AGBL4: variants seen among roughly 807,000 people sequenced by gnomAD.
AGBL4 encodes AGBL carboxypeptidase 4, also known as cytosolic carboxypeptidase 6.
Under a neutral mutation model 66.4 loss-of-function variants are expected in AGBL4, and 58 were observed. The ratio of observed to expected loss-of-function variants is 0.87; its 90% CI spans 0.71 to 1.09. The LOEUF is 1.09. Ranked by LOEUF, AGBL4 falls within the 50% of genes least tolerant of loss-of-function variation. AGBL4 has a pLI of 0.00. For synonymous variants in AGBL4, 234 were observed against 222.9 expected (o/e 1.05, Z -0.44); for missense variants, 579 against 631.0 (o/e 0.92, Z 0.88).
intron 3 of AGBL4, among the ~76,000 whole-genome samples, chr1:49,641,659 C>CT (rs1483274868): frequency 6.6e-6 from 1 of 151,956 alleles, no homozygotes; most frequent in Non-Finnish European, 1.5e-5. Context: ...AAGAGAGTCT[C>CT]TTTTTTCCTA....
At chr1:49,968,502 C>T (rs1364702843) in intron 1 of AGBL4, among the ~76,000 whole-genome samples, 1 of 152,186 alleles carries the variant, frequency 6.6e-6, no homozygotes, top group Non-Finnish European at 1.5e-5. Context: ...ATTCTAACAA[C>T]GTTTTGGCAG....
intron 5 of AGBL4, among the ~76,000 whole-genome samples, chr1:48,913,710 G>A (rs747098207): frequency 2.0e-5 from 3 of 152,178 alleles, no homozygotes; most frequent in Non-Finnish European, 2.9e-5. Context: ...TTCATTACAT[G>A]TTACAAAGTA....
intron 3 of AGBL4, among the ~76,000 whole-genome samples, chr1:49,288,226 A>T (rs1271548657): frequency 2.9e-4 from 21 of 71,852 alleles, no homozygotes; most frequent in Admixed American, 2.1e-3. Flanking sequence ...GGGTGGGGGG[A>T]GGGGGGAGGG....
intron 1 of AGBL4, among the ~76,000 whole-genome samples, chr1:50,014,302 T>C (rs1205153585): frequency 6.7e-6 from 1 of 149,816 alleles, no homozygotes; most frequent in East Asian, 2.0e-4. Context: ...ACCCAGGAGG[T>C]GGAGGCTGCA....
chr1:48,898,847 G>A (rs924365019), intron 5 of AGBL4, among the ~76,000 whole-genome samples: 2 of 152,186 alleles, frequency 1.3e-5, no homozygotes, highest in African/African-American at 4.8e-5. Context: ...GAGACATCCA[G>A]AGCTGAAGAG....
intron 4 of AGBL4, among the ~76,000 whole-genome samples, chr1:49,056,341 T>C (rs959962039): frequency 4.6e-5 from 7 of 151,582 alleles, no homozygotes; most frequent in African/African-American, 1.5e-4. Context: ...TATAATATAG[T>C]ATAAGGTAAT....
rs190156509 is a variant in AGBL4, at chr1:49,915,848, T to A, written c.35-64330A>T. On this transcript the variant is annotated intron_variant, in intron 1 of 13. Coordinates refer to ENST00000371839, the MANE Select transcript of AGBL4 (RefSeq NM_032785.4). ...GAGACACCCCCTAATAGGGGCAGAC[T>A]GACACCTCACACGGCCAGGTACTCC... is the stretch of plus-strand genomic sequence containing the variant. Among the ~76,000 whole-genome samples, 17 of 152,270 alleles carry A rather than the reference T, an allele frequency of 1.1e-4. No homozygotes were observed. The East Asian group carries it at 3.3e-3, about 29-fold the overall frequency.
intron 2 of AGBL4, among the ~76,000 whole-genome samples, chr1:49,832,151 C>T (rs1422376786): frequency 1.3e-5 from 2 of 151,910 alleles, no homozygotes; most frequent in African/African-American, 4.8e-5. Flanking sequence ...CCCCCCTTCC[C>T]CCACCCCACA....
chr1:49,863,351 A>G (rs932632686), intron 1 of AGBL4, among the ~76,000 whole-genome samples: 5 of 152,218 alleles, frequency 3.3e-5, no homozygotes, highest in African/African-American at 4.8e-5. Context: ...ATTGGAAAAA[A>G]TCACCAGGAC....
intron 1 of AGBL4, among the ~76,000 whole-genome samples, chr1:49,919,851 A>G (rs2148236086): frequency 6.6e-6 from 1 of 152,368 alleles, no homozygotes; most frequent in African/African-American, 2.4e-5. Flanking sequence ...CTACAAGGCT[A>G]CAGTAACCAA....
intron 4 of AGBL4, among the ~76,000 whole-genome samples, chr1:49,095,910 A>G (rs1410298234): frequency 2.6e-5 from 4 of 152,056 alleles, no homozygotes; most frequent in South Asian, 2.1e-4. Context: ...GCAACCTACA[A>G]AATGGGAGAA....
Position 48,728,192 on chromosome 1 carries a change from T to C in AGBL4, c.635-64951A>G, listed in dbSNP as rs1279380519. ...TAGCTATATTTTAAAATTTGCATCA[T>C]AGAATGTACTTAGAAAAGAGCAGAT... On this transcript the variant is annotated intron_variant, in intron 6 of 13. Transcript: ENST00000371839. 27 of 684,128 alleles carry C rather than the reference T, an allele frequency of 3.9e-5. No homozygotes were observed. The East Asian group carries it at 5.6e-4, about 14-fold the overall frequency. The allele number at this position is 684,128 out of a possible 1,614,324, so 42.4% of individuals were successfully genotyped here.
chr1:48,527,657 A>G, the AGBL4 span, among the ~76,000 whole-genome samples: 1 of 152,040 alleles, frequency 6.6e-6, no homozygotes, highest in Non-Finnish European at 1.5e-5. Flanking sequence ...GAGAAAAGAA[A>G]GCAATTAATG....
intron 3 of AGBL4, among the ~76,000 whole-genome samples, chr1:49,613,122 C>T (rs779786411): frequency 2.1e-4 from 32 of 152,208 alleles, no homozygotes; most frequent in African/African-American, 7.2e-4. Context: ...AGTGAATTAA[C>T]TCAGTAACAA....
intron 4 of AGBL4, among the ~76,000 whole-genome samples, chr1:49,124,694 G>A (rs1304772688): frequency 6.6e-6 from 1 of 152,170 alleles, no homozygotes; most frequent in Non-Finnish European, 1.5e-5. Flanking sequence ...GGGTTGTTAA[G>A]ATTAACTGTA....
At chr1:49,656,313 T>C (rs942956477) in intron 3 of AGBL4, among the ~76,000 whole-genome samples, 15 of 152,210 alleles carry the variant, frequency 9.9e-5, no homozygotes, top group Non-Finnish European at 1.3e-4. Flanking sequence ...CAGGAAGAAG[T>C]TGAATCTCTT....
chr1:48,976,936 C>T (rs1445057977), intron 5 of AGBL4, among the ~76,000 whole-genome samples: 1 of 152,136 alleles, frequency 6.6e-6, no homozygotes, highest in East Asian at 1.9e-4. Flanking sequence ...ATATATTTCA[C>T]TTATTAATAT....
At chr1:49,616,770 G>T (rs1645256452) in intron 3 of AGBL4, among the ~76,000 whole-genome samples, 3 of 152,014 alleles carry the variant, frequency 2.0e-5, no homozygotes, top group Admixed American at 2.0e-4. Context: ...TGACACCAGA[G>T]GTTCAGATAA....
intron 6 of AGBL4, among the ~76,000 whole-genome samples, chr1:48,737,270 C>T (rs763004811): frequency 1.3e-5 from 2 of 151,520 alleles, no homozygotes; most frequent in Non-Finnish European, 2.9e-5. Context: ...GGAGACAGAG[C>T]GAGACTCCGT....
Sources: gnomAD v4.1 joint callset for allele counts (sites outside exome capture counted in the v4.1 genomes callset) on GRCh38, gnomAD v4.1.1 for gene constraint, MANE v1.5 for transcripts, NCBI Gene and HGNC (gene_info 2026-07-23, HGNC 2026-07-21) for gene names.